GBP4: variants seen among roughly 807,000 people sequenced by gnomAD.
The protein encoded by GBP4 is guanylate binding protein 4.
Under a neutral mutation model 62.2 loss-of-function variants are expected in GBP4, and 69 were observed. The ratio of observed to expected loss-of-function variants is 1.11; its 90% CI spans 0.91 to 1.36. GBP4 has a LOEUF of 1.36. Ranked by LOEUF, GBP4 falls within the 40% of genes most tolerant of loss-of-function variation. GBP4 has a pLI of 0.00. For synonymous variants in GBP4, 278 were observed against 274.6 expected (o/e 1.01, Z -0.12); for missense variants, 697 against 759.3 (o/e 0.92, Z 0.96).
At chr1:89,187,238 T>C (rs1648060258) in intron 8 of GBP4, 136 bp from the exon 9 acceptor site, 1 of 687,070 alleles carries the variant, frequency 1.5e-6, no homozygotes, top group Admixed American at 2.6e-5. Context: ...TGGTTTCTTT[T>C]CTTCCACAGC....
In GBP4 at chr1:89,191,454, AT is replaced by A; in HGVS notation, c.722del (p.His241LeufsTer21). On this transcript the variant is annotated frameshift_variant, in exon 6 of 11. Transcript: ENST00000355754. LOFTEE classifies it high-confidence loss of function. Reference protein sequence around the residue: ...NSNMPRECIRHFFRKRKCFVF... With the variant: ...NSNMPRECIRXFFRKRKCFVF... ...CAAAGCACTTCCGTTTTCGGAAGAA[AT>A]GCCTGATACACTCTCTAGGCATGTT... 3.1e-6 allele frequency: 5 copies of A among 1,614,212 alleles called. No individual in the cohort carries two copies. The highest frequency in any genetic ancestry group is 4.2e-6 in the Non-Finnish European group (5 of 1,180,008).
At chr1:89,198,133 A>G (rs979929327) in intron 1 of GBP4, among the ~76,000 whole-genome samples, 4 of 152,200 alleles carry the variant, frequency 2.6e-5, no homozygotes, top group Non-Finnish European at 5.9e-5. Flanking sequence ...CTTTAATTCT[A>G]TCACAAGGTG....
Position 89,191,465 on chromosome 1 carries a change from ACTCT to A in GBP4, c.708_711del (p.Arg236SerfsTer25). Reference sequence around the variant, plus strand: ...CGTTTTCGGAAGAAATGCCTGATACACTCTCTAGGCATGTTTGAATTTTGAATTT... The same window carrying A: ...CGTTTTCGGAAGAAATGCCTGATACACTAGGCATGTTTGAATTTTGAATTT... On this transcript the variant is annotated frameshift_variant, in exon 6 of 11. Transcript: ENST00000355754. LOFTEE classifies it high-confidence loss of function. 1.2e-6 allele frequency: 2 copies of A among 1,613,480 alleles called. No individual in the cohort carries two copies. Among genetic ancestry groups the A allele is most frequent in the Non-Finnish European group, 1.7e-6 (2 of 1,179,488 alleles).
Position 89,184,908 on chromosome 1 carries a change from G to A in GBP4, c.*346C>T, listed in dbSNP as rs139707385. 4.5e-4 allele frequency: 80 copies of A among 175,836 alleles called. No homozygotes were observed. The highest frequency in any genetic ancestry group is 2.6e-3 in the Middle Eastern group (1 of 378). 10.9% of individuals were successfully genotyped at this position (175,836 alleles called of 1,614,324 possible). On this transcript the variant is annotated 3_prime_UTR_variant, in exon 11 of 11. Transcript: ENST00000355754. ...GCTCTCTTCTCATTAATCGGCAAGA[G>A]CTAGTCATAACTGAAATTATTTCTG...
intron 9 of GBP4, among the ~76,000 whole-genome samples, 163 bp downstream of exon 9, chr1:89,186,837 A>C (rs1001095737): frequency 6.6e-6 from 1 of 152,250 alleles, no homozygotes; most frequent in Non-Finnish European, 1.5e-5. Context: ...TTTTAACTAT[A>C]GTCGCTGTGC....
In GBP4 at chr1:89,191,273, CA is replaced by C; in HGVS notation, c.903del (p.Ile301MetfsTer12). On this transcript the variant is annotated frameshift_variant, in exon 6 of 11. Coordinates refer to ENST00000355754, the MANE Select transcript of GBP4 (RefSeq NM_052941.5). LOFTEE classifies it high-confidence loss of function. ...AKTKTLREGI[I>X]VTGKRLGTLV... is the part of the protein sequence containing the mutation. ...AAAAAAGACTCACGCTTTCCAGTGA[CA>C]ATGATTCCCTCTCTCAGGGTCTTGG... 6.2e-7 allele frequency: 1 copy of C among 1,612,342 alleles called. No homozygotes were observed. Among genetic ancestry groups the C allele is most frequent in the Non-Finnish European group, 8.5e-7 (1 of 1,178,406 alleles).
Position 89,194,541 on chromosome 1 carries a change from T to C in GBP4, c.363+756A>G, listed in dbSNP as rs112489338. ...TGCTTCCTTCCCTCAACTCCCTTTTTTCAATAATGGAAGCCAAGGATCTAC... is the reference window on the plus strand; with the variant it reads ...TGCTTCCTTCCCTCAACTCCCTTTTCTCAATAATGGAAGCCAAGGATCTAC... On this transcript the variant is annotated intron_variant, in intron 3 of 10. Transcript: ENST00000355754. Among the ~76,000 whole-genome samples the C allele has an allele frequency of 4.8e-3, 734 of 152,342 alleles. 4 individuals are homozygous for C. The highest frequency in any genetic ancestry group is 0.017 in the South Asian group (81 of 4,828).
chr1:89,182,084 C>T lies in GBP4; in HGVS notation c.*3170G>A, dbSNP rs971150255. On this transcript the variant is annotated 3_prime_UTR_variant, in exon 11 of 11. Coordinates refer to ENST00000355754, the MANE Select transcript of GBP4 (RefSeq NM_052941.5). ...AATAAAGGACATAGGGTGAGGAAGC[C>T]GGGTTGTTTTAAGAAGCCTGTGTCC... 2.0e-5 allele frequency: 3 copies of T among 152,014 alleles called. No homozygotes were observed. The highest frequency in any genetic ancestry group is 2.4e-5 in the African/African-American group (1 of 41,374). The allele number at this position is 152,014 out of a possible 1,614,324, so 9.4% of individuals were successfully genotyped here.
Position 89,190,440 on chromosome 1 carries a change from T to C in GBP4, c.917-122A>G, listed in dbSNP as rs10922590. ...ATCTTGAAGTTTCTTATCACTCCTT[T>C]ATTCTCTTCCTCCTCCTTTTTCATC... On this transcript the variant is annotated intron_variant, in intron 6 of 10. Coordinates refer to ENST00000355754, the MANE Select transcript of GBP4 (RefSeq NM_052941.5). The C allele has an allele frequency of 3.4e-3, 2,418 of 719,336 alleles. 54 individuals carry two copies. The African/African-American group carries it at 0.04, about 12-fold the overall frequency. The allele number at this position is 719,336 out of a possible 1,614,324, so 44.6% of individuals were successfully genotyped here. A position where few individuals can be genotyped will look rare whatever the true frequency, so the allele number is the denominator to read the frequency against.
In GBP4 at chr1:89,183,178, G is replaced by T. The variant is rs1231225702; in HGVS notation, c.*2076C>A. 2 of 152,156 alleles carry T rather than the reference G, an allele frequency of 1.3e-5. No individual in the cohort carries two copies. Among genetic ancestry groups the T allele is most frequent in the Non-Finnish European group, 2.9e-5 (2 of 68,026 alleles). 9.4% of individuals were successfully genotyped at this position (152,156 alleles called of 1,614,324 possible). A position where few individuals can be genotyped will look rare whatever the true frequency, so the allele number is the denominator to read the frequency against. Reference sequence around the variant, plus strand: ...CTACAGAGCTACAGTAACCAAAACAGCATGGTATTAGTAGAAAAACAGACA... The same window carrying T: ...CTACAGAGCTACAGTAACCAAAACATCATGGTATTAGTAGAAAAACAGACA... On this transcript the variant is annotated 3_prime_UTR_variant, in exon 11 of 11. Transcript: ENST00000355754.
intron 2 of GBP4, 45 bp from the exon 3 acceptor site, chr1:89,195,469 C>T (rs1183048631): frequency 1.2e-6 from 2 of 1,603,958 alleles, no homozygotes; most frequent in Non-Finnish European, 1.7e-6. Context: ...GTGGATAGAC[C>T]AGGATGTCCC....
rs370995897 is a variant in GBP4 at position 89,191,797 on chromosome 1, T to C, written c.671-291A>G. ...CTTTTGTATGCTAGCCAGTAGACTATGTATTAAATGTTTTTGAATGATTAA... is the reference window on the plus strand; with the variant it reads ...CTTTTGTATGCTAGCCAGTAGACTACGTATTAAATGTTTTTGAATGATTAA... On this transcript the variant is annotated intron_variant, in intron 5 of 10. Coordinates refer to ENST00000355754, the MANE Select transcript of GBP4 (RefSeq NM_052941.5). 3.7e-4 allele frequency among the ~76,000 whole-genome samples: 57 copies of C among 152,338 alleles called. 6 individuals carry two copies. The highest frequency in any genetic ancestry group is 9.8e-4 in the Admixed American group (15 of 15,306).
In GBP4 at chr1:89,184,085, A is replaced by G. The variant is rs1647963901; in HGVS notation, c.*1169T>C. On this transcript the variant is annotated 3_prime_UTR_variant, in exon 11 of 11. Transcript: ENST00000355754. ...ACATGAACACATTTCAAAAGAAGAC[A>G]TATATGCATTTAAAAAGCATATAAA... The G allele has an allele frequency of 6.6e-6, 1 of 152,224 alleles. No homozygotes were observed. The highest frequency in any genetic ancestry group is 2.4e-5 in the African/African-American group (1 of 41,456). The allele number at this position is 152,224 out of a possible 1,614,324, so 9.4% of individuals were successfully genotyped here.
chr1:89,192,438 C>T (rs1331386136), intron 5 of GBP4, among the ~76,000 whole-genome samples: 1 of 151,960 alleles, frequency 6.6e-6, no homozygotes, highest in Non-Finnish European at 1.5e-5. Flanking sequence ...AAGGATGTAA[C>T]TATCCAGGCT....
intron 1 of GBP4, among the ~76,000 whole-genome samples, chr1:89,197,844 T>G (rs1473822644): frequency 1.3e-5 from 2 of 152,176 alleles, no homozygotes; most frequent in Non-Finnish European, 2.9e-5. Context: ...TACAAACTTC[T>G]GCCTCTTGGA....
intron 9 of GBP4, among the ~76,000 whole-genome samples, 169 bp from the exon 10 acceptor site, chr1:89,186,695 C>T (rs1259246935): frequency 2.0e-5 from 3 of 152,150 alleles, no homozygotes; most frequent in Non-Finnish European, 4.4e-5. Flanking sequence ...TAATGTGATG[C>T]GAAGGCACTG....
intron 7 of GBP4, 112 bp from the exon 8 acceptor site, chr1:89,188,906 G>T: frequency 9.5e-7 from 1 of 1,051,822 alleles, no homozygotes; most frequent in Non-Finnish European, 1.4e-6. Context: ...CTGGGATATG[G>T]TGTAGACCAA....
intron 2 of GBP4, among the ~76,000 whole-genome samples, chr1:89,196,038 A>C (rs1224742618): frequency 6.6e-6 from 1 of 152,194 alleles, no homozygotes; most frequent in Non-Finnish European, 1.5e-5. Context: ...TTTATCTAGA[A>C]ATTTTATGTA....
At chr1:89,197,577 C>T (rs987477852) in intron 1 of GBP4, among the ~76,000 whole-genome samples, 1 of 151,928 alleles carries the variant, frequency 6.6e-6, no homozygotes, top group African/African-American at 2.4e-5. Flanking sequence ...CTTACAAGAA[C>T]GCTAAAAATG....
Sources: gnomAD v4.1 joint callset for allele counts (sites outside exome capture counted in the v4.1 genomes callset) on GRCh38, gnomAD v4.1.1 for gene constraint, MANE v1.5 for transcripts, NCBI Gene and HGNC (gene_info 2026-07-23, HGNC 2026-07-21) for gene names.